The following TBC1D8 variants were observed in gnomAD, a reference collection of about 807,000 sequenced individuals.
TBC1D8 encodes BUB2-like protein 1.
In TBC1D8, 65 loss-of-function variants were observed where a neutral mutation model predicts 118.8. The observed-to-expected ratio is 0.55, with a 90% CI of 0.45 to 0.67. The LOEUF (loss-of-function observed/expected upper bound fraction) is 0.67. Among genes scored for constraint, TBC1D8 ranks in the 30% least tolerant of loss-of-function variants. The pLI, the probability that TBC1D8 is intolerant of heterozygous loss-of-function variation, is 0.00. For missense variants in TBC1D8, 1,376 were observed against 1,471.2 expected (o/e 0.94, Z 1.06); for synonymous variants, 566 against 595.8 (o/e 0.95, Z 0.73).
intron 1 of TBC1D8, among the ~76,000 whole-genome samples, chr2:101,122,091 GA>G (rs1304377148): frequency 7.5e-6 from 1 of 134,056 alleles, no homozygotes; most frequent in Non-Finnish European, 1.6e-5. Context: ...TTTTTTTTCT[GA>G]GATGGAGTCT....
At chr2:101,063,280 T>C (rs921569306) in intron 2 of TBC1D8, among the ~76,000 whole-genome samples, 2 of 152,248 alleles carry the variant, frequency 1.3e-5, no homozygotes, top group African/African-American at 2.4e-5. Context: ...ACTAGACTTT[T>C]ATTCTTTAAA....
intron 2 of TBC1D8, among the ~76,000 whole-genome samples, chr2:101,076,910 T>C (rs1674869290): frequency 6.6e-6 from 1 of 152,312 alleles, no homozygotes; most frequent in South Asian, 2.1e-4. Context: ...GCATGGCAAC[T>C]TCTGCTTCTG....
chr2:101,031,683 A>T (rs1254378129), intron 11 of TBC1D8, among the ~76,000 whole-genome samples: 1 of 152,120 alleles, frequency 6.6e-6, no homozygotes, highest in Non-Finnish European at 1.5e-5. Context: ...CAAGGCCACA[A>T]GTTACCCAGA....
chr2:101,078,032 C>T (rs778579965), intron 2 of TBC1D8, among the ~76,000 whole-genome samples: 6 of 152,106 alleles, frequency 3.9e-5, no homozygotes, highest in South Asian at 2.1e-4. Context: ...AGTCATCCCC[C>T]GCAGAAGTGG....
chr2:101,021,000 T>C (rs1380487473), intron 17 of TBC1D8, among the ~76,000 whole-genome samples: 2 of 152,052 alleles, frequency 1.3e-5, no homozygotes, highest in African/African-American at 2.4e-5. Flanking sequence ...TAAAGGAGAA[T>C]GTGTAAGTGC....
Position 101,112,022 on chromosome 2 carries a change from C to T in TBC1D8, c.128-21658G>A, listed in dbSNP as rs189523313. Among the ~76,000 whole-genome samples the T allele has an allele frequency of 3.0e-4, 45 of 152,174 alleles. No individual in the cohort carries two copies. The South Asian group carries it at 3.9e-3, about 13-fold the overall frequency. On this transcript the variant is annotated intron_variant, in intron 1 of 19. Transcript: ENST00000409318. ...TTTTCCTAACCTCATCCCCAAGCAA[C>T]GAATCATAAATCCATCTGAACACAG...
chr2:101,106,254 T>C (rs1293483887), intron 1 of TBC1D8, among the ~76,000 whole-genome samples: 4 of 152,232 alleles, frequency 2.6e-5, no homozygotes, highest in Admixed American at 6.5e-5. Flanking sequence ...TTTAGGGCAG[T>C]GAAAACTATT....
intron 4 of TBC1D8, among the ~76,000 whole-genome samples, chr2:101,051,684 G>A (rs1484281137): frequency 2.0e-5 from 3 of 151,878 alleles, no homozygotes; most frequent in Non-Finnish European, 4.4e-5. Flanking sequence ...ACATACATGC[G>A]GCCAACAAGC....
At chr2:101,151,089 GGGCCCGGCC>G (rs1288740039) in intron 1 of TBC1D8, 29 bp downstream of exon 1, 1 of 746,000 alleles carries the variant, frequency 1.3e-6, no homozygotes, top group African/African-American at 2.0e-5. Flanking sequence ...GCGAGGCCCC[GGGCCCGGCC>G]GCCGCGCCCG....
At chr2:101,065,379 C>T (rs1052174911) in intron 2 of TBC1D8, among the ~76,000 whole-genome samples, 6 of 152,222 alleles carry the variant, frequency 3.9e-5, no homozygotes. Flanking sequence ...TAAAAGTTAA[C>T]TGTCATGGCA....
chr2:101,026,481 C>T (rs56397219), intron 15 of TBC1D8, among the ~76,000 whole-genome samples: 15,749 of 152,258 alleles, frequency 0.1, 942 homozygotes, highest in Non-Finnish European at 0.13. Flanking sequence ...AACCCAACAA[C>T]CCTGCAGTCA....
chr2:101,096,791 G>C (rs1451761642), intron 1 of TBC1D8, among the ~76,000 whole-genome samples: 1 of 127,696 alleles, frequency 7.8e-6, no homozygotes, highest in East Asian at 2.5e-4. Context: ...AAGTGAGAGA[G>C]AGGGGGAGAG....
chr2:101,047,636 G>A (rs1029794013), intron 5 of TBC1D8, among the ~76,000 whole-genome samples: 2 of 152,214 alleles, frequency 1.3e-5, no homozygotes, highest in African/African-American at 4.8e-5. Context: ...GAAAGCTGCT[G>A]AACCTGCAGT....
intron 19 of TBC1D8, among the ~76,000 whole-genome samples, chr2:101,009,406 CAAAA>C (rs70943054): frequency 2.0e-5 from 2 of 97,772 alleles, no homozygotes; most frequent in African/African-American, 9.1e-5. Flanking sequence ...ACTCTGTCTC[CAAAA>C]AAAAAAAAAA....
chr2:101,112,323 G>A (rs953428823), intron 1 of TBC1D8, among the ~76,000 whole-genome samples: 2 of 152,144 alleles, frequency 1.3e-5, no homozygotes, highest in East Asian at 1.9e-4. Context: ...ACTCCCCAGC[G>A]AATCTATCCA....
intron 1 of TBC1D8, among the ~76,000 whole-genome samples, chr2:101,114,183 T>C (rs572275446): frequency 6.6e-5 from 10 of 152,340 alleles, no homozygotes; most frequent in African/African-American, 2.2e-4. Flanking sequence ...TTACAACCTT[T>C]GCTGTAAAGC....
rs1401054447 is a variant in TBC1D8, at chr2:101,022,487, G to A, written c.2555C>T (p.Pro852Leu). Residue 852 changes from proline to leucine, a missense_variant, in exon 16 of 20, where the codon CCC (proline) becomes CTC (leucine). By Grantham distance (98) the Pro-to-Leu change is moderately conservative (BLOSUM62 -3). Transcript: ENST00000409318. Reference sequence around the variant, plus strand: ...GTCGTGGCGTGAGGCCATGGGCCTGGGCTGCTCCCAGTAACAGCTCATCAT... The same window carrying A: ...GTCGTGGCGTGAGGCCATGGGCCTGAGCTGCTCCCAGTAACAGCTCATCAT... The part of the protein sequence containing the change: ...EHMMSCYWEQ[P>L]RPMASRHDPS... The A allele has an allele frequency of 1.9e-6, 3 of 1,602,232 alleles. No individual in the cohort carries two copies. Among genetic ancestry groups the A allele is most frequent in the Non-Finnish European group, 2.5e-6 (3 of 1,176,872 alleles).
intron 1 of TBC1D8, 81 bp from the exon 2 acceptor site, chr2:101,090,445 G>C: frequency 6.8e-7 from 1 of 1,468,404 alleles, no homozygotes; most frequent in Admixed American, 1.9e-5. Context: ...TGTGGTCGCT[G>C]TCTGGACTCC....
rs1338918163 is a variant in TBC1D8, at chr2:101,017,876, C to A, written c.2827+3805G>T. 2.6e-6 allele frequency: 4 copies of A among 1,550,848 alleles called. No individual in the cohort carries two copies. In the South Asian group the frequency reaches 4.8e-5, roughly 18 times the overall value. On this transcript the variant is annotated intron_variant, in intron 17 of 19. Coordinates refer to ENST00000409318, the MANE Select transcript of TBC1D8 (RefSeq NM_001330348.2). ...CCAATTAGGTCTTCAAAACGATGAT[C>A]TCTTCAAAACAGATTGTCACCATCA...
Sources: gnomAD v4.1 joint callset for allele counts (sites outside exome capture counted in the v4.1 genomes callset) on GRCh38, gnomAD v4.1.1 for gene constraint, MANE v1.5 for transcripts, NCBI Gene and HGNC (gene_info 2026-07-23, HGNC 2026-07-21) for gene names.